Variants in SSH2 observed in about 807,000 individuals in gnomAD.
SSH2 encodes the protein protein phosphatase Slingshot homolog 2.
In SSH2, 37 loss-of-function variants were observed where a neutral mutation model predicts 135.2. The observed-to-expected ratio is 0.27, with a 90% CI of 0.21 to 0.36. The LOEUF is 0.36. Among genes scored for constraint, SSH2 ranks in the 10% least tolerant of loss-of-function variants. SSH2 has a pLI of 1.00. For missense variants in SSH2, 1,408 were observed against 1,765.3 expected (o/e 0.80, Z 3.63); for synonymous variants, 628 against 646.2 (o/e 0.97, Z 0.43).
At chr17:29,731,304 TAGG>T (rs1467965661) in intron 3 of SSH2, among the ~76,000 whole-genome samples, 2 of 152,162 alleles carry the variant, frequency 1.3e-5, no homozygotes, top group Non-Finnish European at 2.9e-5. Flanking sequence ...TTCATGATTT[TAGG>T]AGATTATCAC....
chr17:29,739,014 A>G (rs906492906), intron 3 of SSH2, among the ~76,000 whole-genome samples: 9 of 152,240 alleles, frequency 5.9e-5, no homozygotes, highest in Non-Finnish European at 1.0e-4. Context: ...TCCTAAAAAC[A>G]AAACTCTAAT....
chr17:29,891,021 T>A (rs1468937519), intron 1 of SSH2, among the ~76,000 whole-genome samples: 1 of 152,200 alleles, frequency 6.6e-6, no homozygotes, highest in East Asian at 1.9e-4. Context: ...CCCAAAGTGC[T>A]GGGATTACAG....
chr17:29,879,717 C>T (rs1221996328), intron 1 of SSH2, among the ~76,000 whole-genome samples: 1 of 152,186 alleles, frequency 6.6e-6, no homozygotes, highest in Non-Finnish European at 1.5e-5. Flanking sequence ...AGAAGATCAA[C>T]TGTCTTTTTC....
At chr17:29,819,746 G>A (rs2042620196) in intron 2 of SSH2, among the ~76,000 whole-genome samples, 1 of 151,994 alleles carries the variant, frequency 6.6e-6, no homozygotes, top group African/African-American at 2.4e-5. Context: ...CTATGTTTAA[G>A]GAGTCACAGA....
chr17:29,883,633 T>C (rs1209512480), intron 1 of SSH2, among the ~76,000 whole-genome samples: 1 of 152,220 alleles, frequency 6.6e-6, no homozygotes, highest in African/African-American at 2.4e-5. Context: ...GGTTAAATCA[T>C]AACAGGAAAT....
chr17:29,899,054 A>C (rs528799917), intron 1 of SSH2, among the ~76,000 whole-genome samples: 1 of 152,310 alleles, frequency 6.6e-6, no homozygotes, highest in African/African-American at 2.4e-5. Context: ...ATAGATGCAG[A>C]AAAGGCCTTT....
chr17:29,880,775 C>T (rs1179851431), intron 1 of SSH2, among the ~76,000 whole-genome samples: 1 of 152,202 alleles, frequency 6.6e-6, no homozygotes, highest in Non-Finnish European at 1.5e-5. Flanking sequence ...TCCCTGAGAA[C>T]ACTACCTCAT....
chr17:29,770,125 A>G (rs1239400979), intron 3 of SSH2, among the ~76,000 whole-genome samples: 1 of 131,900 alleles, frequency 7.6e-6, no homozygotes. Context: ...TTTTTAACAG[A>G]GTCTCACTCC....
intron 3 of SSH2, among the ~76,000 whole-genome samples, chr17:29,734,929 T>C (rs938788613): frequency 2.0e-5 from 3 of 152,120 alleles, no homozygotes; most frequent in Admixed American, 1.3e-4. Context: ...AATGGATAAA[T>C]AAATCTCAGT....
chr17:29,777,169 G>A (rs770997461), intron 3 of SSH2, among the ~76,000 whole-genome samples: 5 of 150,614 alleles, frequency 3.3e-5, no homozygotes, highest in Admixed American at 2.6e-4. Context: ...CCAAGATCTC[G>A]CCACTGCACT....
At chr17:29,652,514 T>A (rs554072079) in intron 12 of SSH2, among the ~76,000 whole-genome samples, 68 of 152,054 alleles carry the variant, frequency 4.5e-4, no homozygotes, top group Non-Finnish European at 8.2e-4. Flanking sequence ...ATTATACATT[T>A]AAAATGGGTG....
At chr17:29,672,157 C>T (rs1207328478) in intron 8 of SSH2, 28 bp from the exon 9 acceptor site, 1 of 1,593,444 alleles carries the variant, frequency 6.3e-7, no homozygotes, top group Non-Finnish European at 8.6e-7. Flanking sequence ...AAATGAGCAC[C>T]ATAGAACTGT....
At chr17:29,878,569 TA>T (rs895640561) in intron 1 of SSH2, among the ~76,000 whole-genome samples, 3 of 151,960 alleles carry the variant, frequency 2.0e-5, no homozygotes, top group African/African-American at 4.8e-5. Context: ...GATGAGATTT[TA>T]AAAAAAACAA....
At chr17:29,718,076 A>C (rs1187602187) in intron 3 of SSH2, among the ~76,000 whole-genome samples, 1 of 152,198 alleles carries the variant, frequency 6.6e-6, no homozygotes, top group Non-Finnish European at 1.5e-5. Flanking sequence ...TTTCCAACAC[A>C]TTGTAATTGG....
chr17:29,869,608 G>A (rs1484489135), intron 1 of SSH2, among the ~76,000 whole-genome samples: 1 of 152,172 alleles, frequency 6.6e-6, no homozygotes, highest in African/African-American at 2.4e-5. Context: ...ATGAAAGATC[G>A]GGGAACTGCC....
chr17:29,902,821 T>C (rs2066583066), intron 1 of SSH2, among the ~76,000 whole-genome samples: 1 of 152,162 alleles, frequency 6.6e-6, no homozygotes, highest in South Asian at 2.1e-4. Flanking sequence ...CAATTCTGTA[T>C]TAATTTTCCA....
At chr17:29,670,101 C>T (rs1002898175) in intron 9 of SSH2, among the ~76,000 whole-genome samples, 13 of 151,900 alleles carry the variant, frequency 8.6e-5, no homozygotes, top group African/African-American at 3.1e-4. Context: ...AGGCTGGTCT[C>T]GAACTCCTGA....
intron 1 of SSH2, among the ~76,000 whole-genome samples, chr17:29,914,395 A>G (rs2066842537): frequency 6.6e-6 from 1 of 151,870 alleles, no homozygotes; most frequent in African/African-American, 2.4e-5. Context: ...CCATGTCTCT[A>G]AAAAAATAAT....
At position 29,686,597 on chromosome 17, in the gene SSH2, G is replaced by T. The variant is rs564570134; in HGVS notation, c.358-1913C>A. Among the ~76,000 whole-genome samples, 162 of 149,468 alleles carry T rather than the reference G, an allele frequency of 1.1e-3. 1 individual carries two copies. The highest frequency in any genetic ancestry group is 3.8e-3 in the African/African-American group (154 of 40,540). On this transcript the variant is annotated intron_variant, in intron 5 of 15. Transcript: ENST00000540801. Reference sequence around the variant, plus strand: ...GTTGCCCAGGCTGGTCTCGAACTCTGAACTCAGGCAATCCACCTGTCTTGG... The same window carrying T: ...GTTGCCCAGGCTGGTCTCGAACTCTTAACTCAGGCAATCCACCTGTCTTGG...
Sources: allele counts gnomAD v4.1 joint callset (sites outside exome capture counted in the v4.1 genomes callset), GRCh38; gene constraint gnomAD v4.1.1; transcripts MANE v1.5; gene names NCBI Gene and HGNC (gene_info 2026-07-23, HGNC 2026-07-21).